The following GPM6A variants were observed in gnomAD, a reference collection of about 807,000 sequenced individuals.
The protein encoded by GPM6A is glycoprotein M6A.
Under a neutral mutation model 32.1 loss-of-function variants are expected in GPM6A, and 7 were observed. The observed-to-expected ratio is 0.22, with a 90% CI of 0.12 to 0.41. GPM6A has a LOEUF of 0.41. Among genes scored for constraint, GPM6A ranks in the 10% least tolerant of loss-of-function variants. The probability of loss-of-function intolerance (pLI) is 1.00; values close to 1 mark genes in which losing one functional copy is unlikely to be tolerated. For synonymous variants in GPM6A, 130 were observed against 123.4 expected (o/e 1.05, Z -0.35); for missense variants, 235 against 347.2 (o/e 0.68, Z 2.57).
At chr4:175,752,046 AC>A (rs1393442524) in intron 1 of GPM6A, among the ~76,000 whole-genome samples, 1 of 152,136 alleles carries the variant, frequency 6.6e-6, no homozygotes, top group East Asian at 1.9e-4. Context: ...GTCTAATGGT[AC>A]CAGGAAGTAC....
At chr4:175,876,670 A>G (rs1737093767) in intron 1 of GPM6A, among the ~76,000 whole-genome samples, 5 of 152,180 alleles carry the variant, frequency 3.3e-5, no homozygotes, top group Admixed American at 2.0e-4. Context: ...TTAACATGAA[A>G]GTGGGAAAAT....
In GPM6A at chr4:175,683,061, G is replaced by A. The variant is rs1015030736; in HGVS notation, c.231-9225C>T. On this transcript the variant is annotated intron_variant, in intron 2 of 6. Transcript: ENST00000393658. ...AAAAATATGCAGGCACTTAAATCCT[G>A]TGAGAGCAGCCACAGGAGTTAAACC... Among the ~76,000 whole-genome samples, 11 of 152,314 alleles carry A rather than the reference G, an allele frequency of 7.2e-5. 1 individual carries two copies. The highest frequency in any genetic ancestry group is 3.9e-4 in the Admixed American group (6 of 15,310).
chr4:175,925,819 T>C (rs539791289), intron 1 of GPM6A, among the ~76,000 whole-genome samples: 1 of 151,900 alleles, frequency 6.6e-6, no homozygotes, highest in East Asian at 1.9e-4. Context: ...TATGTATTTA[T>C]ACCCAGATTC....
intron 2 of GPM6A, among the ~76,000 whole-genome samples, chr4:175,683,829 C>A (rs1743818472): frequency 6.6e-6 from 1 of 151,484 alleles, no homozygotes; most frequent in Non-Finnish European, 1.5e-5. Flanking sequence ...AACATATATA[C>A]ATATACTTTT....
intron 1 of GPM6A, among the ~76,000 whole-genome samples, chr4:175,705,097 T>G (rs1745103363): frequency 6.6e-6 from 1 of 152,214 alleles, no homozygotes; most frequent in Non-Finnish European, 1.5e-5. Context: ...AGGGGGATAC[T>G]GGAGTTCTGC....
chr4:175,637,606 A>T (rs1740807212), intron 6 of GPM6A, among the ~76,000 whole-genome samples: 1 of 55,948 alleles, frequency 1.8e-5, no homozygotes, highest in Non-Finnish European at 3.5e-5. Flanking sequence ...TATGTAAAAT[A>T]TATAATATAT....
At chr4:175,899,378 G>T (rs529026867) in intron 1 of GPM6A, among the ~76,000 whole-genome samples, 5 of 152,086 alleles carry the variant, frequency 3.3e-5, no homozygotes, top group African/African-American at 1.2e-4. Context: ...ATAAATACAT[G>T]ATAAATGCTA....
chr4:175,894,374 G>T (rs912329099), intron 1 of GPM6A, among the ~76,000 whole-genome samples: 3 of 152,090 alleles, frequency 2.0e-5, no homozygotes, highest in Non-Finnish European at 4.4e-5. Flanking sequence ...CGAGGAAGGG[G>T]TGCTAAAGAA....
chr4:175,831,619 G>A lies in GPM6A; in HGVS notation c.-22-19370C>T, dbSNP rs78079403. Reference sequence around the variant, plus strand: ...CTCCCACCCTTCTCCACCTCCTAGGGAGTCCCCTGCAATTTGATTTCCCTT... The same window carrying A: ...CTCCCACCCTTCTCCACCTCCTAGGAAGTCCCCTGCAATTTGATTTCCCTT... On this transcript the variant is annotated intron_variant, in intron 1 of 7. Coordinates refer to the GPM6A transcript ENST00000280187. Among the ~76,000 whole-genome samples, 1,055 of 151,258 alleles carry A rather than the reference G, an allele frequency of 7.0e-3. 16 individuals carry two copies. Among genetic ancestry groups the A allele is most frequent in the African/African-American group, 0.024 (982 of 41,258 alleles).
intron 1 of GPM6A, among the ~76,000 whole-genome samples, chr4:176,001,486 C>T (rs186067094): frequency 6.6e-6 from 1 of 152,294 alleles, no homozygotes; most frequent in East Asian, 1.9e-4. Flanking sequence ...GGGTGTGAAT[C>T]GGCTATTTCA....
At chr4:175,997,023 C>T (rs1329878618) in intron 1 of GPM6A, among the ~76,000 whole-genome samples, 1 of 151,974 alleles carries the variant, frequency 6.6e-6, no homozygotes, top group Non-Finnish European at 1.5e-5. Flanking sequence ...AAAACCCAAG[C>T]CACTTCAGGA....
chr4:175,721,054 G>A (rs1417864786), intron 1 of GPM6A, among the ~76,000 whole-genome samples: 4 of 112,098 alleles, frequency 3.6e-5, no homozygotes, highest in Non-Finnish European at 5.6e-5. Context: ...ATATATATAT[G>A]TACTAGTATA....
At chr4:175,997,391 C>A (rs1344477142) in intron 1 of GPM6A, among the ~76,000 whole-genome samples, 1 of 152,038 alleles carries the variant, frequency 6.6e-6, no homozygotes, top group East Asian at 1.9e-4. Context: ...AAAGTATTAT[C>A]CAGTACTCTA....
chr4:175,827,045 T>G (rs931408916), intron 1 of GPM6A, among the ~76,000 whole-genome samples: 6 of 152,266 alleles, frequency 3.9e-5, no homozygotes, highest in African/African-American at 1.4e-4. Context: ...TCTCATTTTA[T>G]CCCTCCAAGA....
At chr4:175,987,505 C>T (rs1741012677) in intron 1 of GPM6A, among the ~76,000 whole-genome samples, 1 of 147,184 alleles carries the variant, frequency 6.8e-6, no homozygotes. Flanking sequence ...GACAAACTTA[C>T]TTTTGTACTA....
chr4:175,943,574 A>C (rs1739486578), intron 1 of GPM6A, among the ~76,000 whole-genome samples: 1 of 152,028 alleles, frequency 6.6e-6, no homozygotes, highest in Non-Finnish European at 1.5e-5. Flanking sequence ...AGTTTATTCA[A>C]AGATTTTAGC....
At chr4:175,652,411 C>T (rs1014031171) in intron 3 of GPM6A, among the ~76,000 whole-genome samples, 6 of 152,074 alleles carry the variant, frequency 3.9e-5, no homozygotes, top group South Asian at 2.1e-4. Flanking sequence ...CATGTCATGT[C>T]GCAAATATTT....
At position 175,762,400 on chromosome 4, in the gene GPM6A, C is replaced by T. The variant is rs75106321; in HGVS notation, c.37+49791G>A. Among the ~76,000 whole-genome samples, 399 of 152,270 alleles carry T rather than the reference C, an allele frequency of 2.6e-3. 2 individuals are homozygous for T. The highest frequency in any genetic ancestry group is 5.1e-3 in the Non-Finnish European group (346 of 68,018). On this transcript the variant is annotated intron_variant, in intron 1 of 6. Coordinates refer to ENST00000393658, the MANE Select transcript of GPM6A (RefSeq NM_201591.3). ...ATTCTTTCATTCATTCACCCAACAA[C>T]ATTTAGACTAGCACTAACATTCACA... is the stretch of plus-strand genomic sequence containing the variant.
chr4:175,807,968 T>C (rs1364960017), intron 1 of GPM6A, among the ~76,000 whole-genome samples: 1 of 152,226 alleles, frequency 6.6e-6, no homozygotes, highest in East Asian at 1.9e-4. Flanking sequence ...CTTAAGGTTA[T>C]TGTGAAGAGC....
Sources: allele counts gnomAD v4.1 joint callset (sites outside exome capture counted in the v4.1 genomes callset), GRCh38; gene constraint gnomAD v4.1.1; transcripts MANE v1.5; gene names NCBI Gene and HGNC (gene_info 2026-07-23, HGNC 2026-07-21).